PEPD: variants seen among roughly 807,000 people sequenced by gnomAD.
PEPD encodes the protein xaa-Pro dipeptidase.
A neutral mutation model predicts 60.7 loss-of-function variants in PEPD; 53 were observed. That is an observed-to-expected ratio of 0.87 (90% CI 0.70 to 1.10). The LOEUF is 1.10. Ranked by LOEUF, PEPD falls within the 50% of genes least tolerant of loss-of-function variation. The probability of loss-of-function intolerance (pLI) is 0.00; values close to 1 mark genes in which losing one functional copy is unlikely to be tolerated. For synonymous variants in PEPD, 267 were observed against 284.1 expected, an observed-to-expected ratio of 0.94 and a Z score of 0.60; for missense variants, 711 against 711.9, an observed-to-expected ratio of 1.00 and a Z score of 0.01.
At position 33,464,048 on chromosome 19, in the gene PEPD, G is replaced by A. The variant is rs141623136; in HGVS notation, c.563C>T (p.Thr188Met). Residue 188 changes from threonine (T) to methionine (M), a missense_variant, in exon 8 of 15, where the codon ACG becomes ATG. By Grantham distance (81) the Thr-to-Met change is moderately conservative (BLOSUM62 -1). Transcript: ENST00000244137. Reference sequence around the variant, plus strand: ...GCGCAGAACCTCCAGCTCCATATCCGTCTTAAACACTCGGCTTCAGAGACA... The same window carrying A: ...GCGCAGAACCTCCAGCTCCATATCCATCTTAAACACTCGGCTTCAGAGACA... ...PEIVECRVFKTDMELEVLRYT... is the reference protein window; with the variant it reads ...PEIVECRVFKMDMELEVLRYT... The A allele has an allele frequency of 1.1e-5, 17 of 1,612,572 alleles. No individual in the cohort carries two copies. The highest frequency in any genetic ancestry group is 5.3e-5 in the African/African-American group (4 of 74,994).
At chr19:33,448,149 G>A (rs963554733) in intron 9 of PEPD, among the ~76,000 whole-genome samples, 14 of 152,192 alleles carry the variant, frequency 9.2e-5, no homozygotes, top group Non-Finnish European at 1.2e-4. Context: ...CGCAGGGAGC[G>A]TCTTTCGCAC....
chr19:33,462,072 G>A (rs1021152357), intron 9 of PEPD, among the ~76,000 whole-genome samples: 6 of 152,222 alleles, frequency 3.9e-5, no homozygotes, highest in African/African-American at 1.2e-4. Flanking sequence ...ATCCGACCTC[G>A]GCCCTGCACC....
At chr19:33,429,561 T>C (rs1394370223) in intron 9 of PEPD, among the ~76,000 whole-genome samples, 1 of 152,230 alleles carries the variant, frequency 6.6e-6, no homozygotes, top group Non-Finnish European at 1.5e-5. Flanking sequence ...TTCATAATTA[T>C]GCAAAAACTG....
intron 9 of PEPD, among the ~76,000 whole-genome samples, chr19:33,437,282 T>C (rs1160419467): frequency 6.6e-6 from 1 of 152,086 alleles, no homozygotes; most frequent in Admixed American, 6.6e-5. Context: ...CCTCCATCAA[T>C]TGGCTGGCAA....
intron 11 of PEPD, among the ~76,000 whole-genome samples, chr19:33,404,457 A>C (rs556390687): frequency 1.7e-3 from 263 of 151,428 alleles, no homozygotes; most frequent in East Asian, 0.011. Context: ...ATCGTTTAAA[A>C]AACAACAACA....
chr19:33,461,029 A>T (rs1244618040), intron 9 of PEPD, among the ~76,000 whole-genome samples: 1 of 152,232 alleles, frequency 6.6e-6, no homozygotes, highest in African/African-American at 2.4e-5. Context: ...CCAATGCTAA[A>T]AAGAGTTTAG....
chr19:33,461,385 G>A (rs960999008), intron 9 of PEPD, among the ~76,000 whole-genome samples: 7 of 152,112 alleles, frequency 4.6e-5, no homozygotes, highest in Non-Finnish European at 8.8e-5. Context: ...CCTGGCCCCT[G>A]ACCCATAGCC....
intron 9 of PEPD, among the ~76,000 whole-genome samples, chr19:33,436,490 T>C (rs1444593719): frequency 6.6e-6 from 1 of 152,196 alleles, no homozygotes; most frequent in Non-Finnish European, 1.5e-5. Context: ...GCATGGGCTA[T>C]GAGCCAAGTT....
At chr19:33,426,593 C>T (rs118091245) in intron 9 of PEPD, among the ~76,000 whole-genome samples, 40 of 152,348 alleles carry the variant, frequency 2.6e-4, no homozygotes, top group Non-Finnish European at 2.5e-4. Flanking sequence ...TCCACATGGA[C>T]TCACAGCCAC....
intron 9 of PEPD, among the ~76,000 whole-genome samples, chr19:33,433,612 C>T (rs1241936003): frequency 1.3e-5 from 2 of 152,200 alleles, no homozygotes; most frequent in East Asian, 1.9e-4. Flanking sequence ...CATTAAGAAG[C>T]GCTGTCCCTT....
rs555856012 is a variant in PEPD at position 33,406,804 on chromosome 19, G to A, written c.818+4868C>T. Reference sequence around the variant, plus strand: ...GTGGCTGCTGAGGTCCTGGGTGAGCGGGCACCCCATGGCCTGCAGGGTCGA... The same window carrying A: ...GTGGCTGCTGAGGTCCTGGGTGAGCAGGCACCCCATGGCCTGCAGGGTCGA... On this transcript the variant is annotated intron_variant, in intron 11 of 14. Transcript: ENST00000244137. 4.6e-5 allele frequency among the ~76,000 whole-genome samples: 7 copies of A among 152,274 alleles called. No individual in the cohort carries two copies. In the East Asian group the frequency reaches 5.8e-4, roughly 13 times the overall value.
chr19:33,480,806 T>C (rs1342881119), intron 6 of PEPD, among the ~76,000 whole-genome samples: 5 of 126,820 alleles, frequency 3.9e-5, no homozygotes, highest in African/African-American at 6.0e-5. Context: ...AAAATATATA[T>C]ATATAGCGTG....
chr19:33,403,125 G>A (rs894698948), intron 11 of PEPD, among the ~76,000 whole-genome samples: 1 of 152,200 alleles, frequency 6.6e-6, no homozygotes, highest in Non-Finnish European at 1.5e-5. Flanking sequence ...GGCTGGGCCT[G>A]GCTGAGGGGG....
intron 9 of PEPD, among the ~76,000 whole-genome samples, chr19:33,416,646 G>T (rs1301096293): frequency 6.6e-6 from 1 of 152,222 alleles, no homozygotes; most frequent in Admixed American, 6.5e-5. Flanking sequence ...AGAGGAGGCC[G>T]TGGTCTGCCT....
At chr19:33,480,632 T>C (rs781691010) in intron 6 of PEPD, among the ~76,000 whole-genome samples, 5 of 152,060 alleles carry the variant, frequency 3.3e-5, no homozygotes, top group Non-Finnish European at 5.9e-5. Context: ...CCGTCTCTAC[T>C]GAAAACACAA....
intron 9 of PEPD, among the ~76,000 whole-genome samples, chr19:33,414,354 C>T (rs1166345754): frequency 6.6e-6 from 1 of 152,250 alleles, no homozygotes; most frequent in Non-Finnish European, 1.5e-5. Context: ...AAGCCCAGAA[C>T]CTGCACCGGG....
chr19:33,509,217 G>A (rs1970873823), intron 3 of PEPD, among the ~76,000 whole-genome samples: 2 of 152,268 alleles, frequency 1.3e-5, no homozygotes, highest in African/African-American at 2.4e-5. Flanking sequence ...TCAGGCCAGG[G>A]CCTCCGAGGG....
chr19:33,499,529 G>A (rs1970669288), intron 4 of PEPD, among the ~76,000 whole-genome samples: 1 of 152,000 alleles, frequency 6.6e-6, no homozygotes, highest in Non-Finnish European at 1.5e-5. Flanking sequence ...GAGTGCAAGA[G>A]GAACGTCTGG....
At chr19:33,433,405 C>A (rs370976992) in intron 9 of PEPD, among the ~76,000 whole-genome samples, 1 of 152,212 alleles carries the variant, frequency 6.6e-6, no homozygotes, top group Non-Finnish European at 1.5e-5. Flanking sequence ...TAATGATGCC[C>A]ACTCTGTACC....
Sources: allele counts gnomAD v4.1 joint callset (sites outside exome capture counted in the v4.1 genomes callset), GRCh38; gene constraint gnomAD v4.1.1; transcripts MANE v1.5; gene names NCBI Gene and HGNC (gene_info 2026-07-23, HGNC 2026-07-21).